Variants in UBA6 observed in about 807,000 individuals in gnomAD.
UBA6 encodes ubiquitin-like modifier-activating enzyme 6.
A neutral mutation model predicts 148.3 loss-of-function variants in UBA6; 87 were observed. That is an observed-to-expected ratio of 0.59 (90% CI 0.49 to 0.70). The LOEUF (loss-of-function observed/expected upper bound fraction) is 0.70. Among genes scored for constraint, UBA6 ranks in the 30% least tolerant of loss-of-function variants. The probability of loss-of-function intolerance (pLI) is 0.00; values close to 1 mark genes in which losing one functional copy is unlikely to be tolerated. For synonymous variants in UBA6, 376 were observed against 401.0 expected (o/e 0.94, Z 0.75); for missense variants, 1,186 against 1,241.2 (o/e 0.96, Z 0.67).
At chr4:67,632,616 G>C (rs1477951794) in intron 23 of UBA6, among the ~76,000 whole-genome samples, 1 of 152,276 alleles carries the variant, frequency 6.6e-6, no homozygotes, top group South Asian at 2.1e-4. Flanking sequence ...AATTTACTGG[G>C]TAAAGAAGTG....
At chr4:67,630,651 T>C in intron 25 of UBA6, 116 bp from the exon 26 acceptor site, 1 of 658,150 alleles carries the variant, frequency 1.5e-6, no homozygotes, top group Non-Finnish European at 2.3e-6. Flanking sequence ...CACAGAATTA[T>C]TATTTCAAGT....
rs1313846000 is a variant in UBA6, at chr4:67,629,805, TA to T, written c.2328+660del. Among the ~76,000 whole-genome samples, 5 of 152,174 alleles carry T rather than the reference TA, an allele frequency of 3.3e-5. No individual in the cohort carries two copies. In the East Asian group the frequency reaches 7.7e-4, roughly 23 times the overall value. ...GTATGAATTCCAAAAAGGATTAATC[TA>T]AAACAGATATTGTTATCTGAATCCA... On this transcript the variant is annotated intron_variant, in intron 26 of 32. Transcript: ENST00000322244.
rs1464830591 is a variant in UBA6 at position 67,622,757 on chromosome 4, TA to T, written c.3023+73del. The T allele has an allele frequency of 9.1e-5, 92 of 1,011,150 alleles. No individual in the cohort carries two copies. The Admixed American group carries it at 1.2e-3, about 14-fold the overall frequency. 62.6% of individuals were successfully genotyped at this position (1,011,150 alleles called of 1,614,324 possible). ...TTTATCTGAATTATAGTAACCTCTA[TA>T]TTTAATTTTTTAGTGTGCATCAACT... is the stretch of plus-strand genomic sequence containing the variant. On this transcript the variant is annotated intron_variant, in intron 32 of 32. Transcript: ENST00000322244.
At chr4:67,634,855 C>T (rs527935508) in intron 20 of UBA6, among the ~76,000 whole-genome samples, 201 of 152,088 alleles carry the variant, frequency 1.3e-3, no homozygotes, top group African/African-American at 4.4e-3. Flanking sequence ...AACACTGCCC[C>T]GCTTTGAAAA....
intron 13 of UBA6, among the ~76,000 whole-genome samples, chr4:67,660,107 G>A (rs1319921431): frequency 2.6e-5 from 4 of 152,294 alleles, no homozygotes; most frequent in African/African-American, 9.6e-5. Flanking sequence ...CAAAAAGATG[G>A]TTTGGAATTG....
intron 8 of UBA6, among the ~76,000 whole-genome samples, chr4:67,668,877 T>A (rs1168225190): frequency 6.6e-6 from 1 of 152,228 alleles, no homozygotes; most frequent in Non-Finnish European, 1.5e-5. Flanking sequence ...AAATGAATGC[T>A]GAAAATATAA....
Position 67,662,256 on chromosome 4 carries a change from C to G in UBA6, c.1038-1G>C. 1 of 1,613,306 alleles carries G rather than the reference C, an allele frequency of 6.2e-7. No homozygotes were observed. Among genetic ancestry groups the G allele is most frequent in the Non-Finnish European group, 8.5e-7 (1 of 1,179,664 alleles). The stretch of plus-strand genomic sequence containing the variant: ...CAGTTCTTCTGAATCTTGTTGGCAT[C>G]TACAACTCAAAACAGAACACCCTAA... On this transcript the variant is annotated splice_acceptor_variant, in intron 12 of 32. Coordinates refer to ENST00000322244, the MANE Select transcript of UBA6 (RefSeq NM_018227.6). LOFTEE classifies it high-confidence loss of function.
At chr4:67,651,240 A>C (rs1042733939) in intron 13 of UBA6, among the ~76,000 whole-genome samples, 2 of 152,170 alleles carry the variant, frequency 1.3e-5, no homozygotes, top group Admixed American at 6.5e-5. Flanking sequence ...AGGGGAAAAA[A>C]ACAACACAAA....
Position 67,616,019 on chromosome 4 carries a change from ATATTTT to A in UBA6, c.*2972_*2977del, listed in dbSNP as rs1728618765. 1 of 383,438 alleles carries A rather than the reference ATATTTT, an allele frequency of 2.6e-6. No homozygotes were observed. The highest frequency in any genetic ancestry group is 1.3e-4 in the South Asian group (1 of 7,640). 23.8% of individuals were successfully genotyped at this position (383,438 alleles called of 1,614,324 possible). ...AAATTATTCCTTGAACTGCATATTT[ATATTTT>A]ATGTATTTTTGAATATATATGTGTT... is the stretch of plus-strand genomic sequence containing the variant. On this transcript the variant is annotated 3_prime_UTR_variant, in exon 33 of 33. Transcript: ENST00000322244.
At chr4:67,648,062 T>C (rs1291675978) in intron 14 of UBA6, among the ~76,000 whole-genome samples, 2 of 151,790 alleles carry the variant, frequency 1.3e-5, no homozygotes, top group Non-Finnish European at 1.5e-5. Context: ...CATGAGCCAC[T>C]GCGCCTGCCT....
intron 2 of UBA6, among the ~76,000 whole-genome samples, chr4:67,686,952 TA>T (rs546442640): frequency 4.9e-3 from 278 of 57,094 alleles, no homozygotes; most frequent in Non-Finnish European, 5.4e-3. Context: ...ATCCTGTCTC[TA>T]AAAAAAAAAA....
chr4:67,652,195 T>C (rs1000813933), intron 13 of UBA6, among the ~76,000 whole-genome samples: 2 of 152,178 alleles, frequency 1.3e-5, no homozygotes, highest in African/African-American at 4.8e-5. Context: ...AACACGTATC[T>C]GATAAAGAAC....
At position 67,613,788 on chromosome 4, in the gene UBA6, T is replaced by C. The variant is rs1429294425; in HGVS notation, c.*5209A>G. ...ATAAATTCTCATCAGATGGGTTTTA[T>C]TTAACCCTGTATATTGTGACTTAAC... On this transcript the variant is annotated 3_prime_UTR_variant, in exon 33 of 33. Transcript: ENST00000322244. The C allele has an allele frequency of 6.6e-6, 1 of 152,222 alleles. No homozygotes were observed. The highest frequency in any genetic ancestry group is 1.5e-5 in the Non-Finnish European group (1 of 68,036). 9.4% of individuals were successfully genotyped at this position (152,222 alleles called of 1,614,324 possible).
At chr4:67,662,936 A>G (rs1251270450) in intron 12 of UBA6, 7 of 413,554 alleles carry the variant, frequency 1.7e-5, no homozygotes, top group Non-Finnish European at 3.0e-5. Context: ...AAAAATTCAC[A>G]TTTAGTATGA....
intron 9 of UBA6, among the ~76,000 whole-genome samples, chr4:67,667,119 A>G (rs1317355977): frequency 6.6e-6 from 1 of 152,136 alleles, no homozygotes; most frequent in African/African-American, 2.4e-5. Context: ...AAGCAGCCTC[A>G]TAATGTGAAC....
At chr4:67,683,045 A>G (rs1730478640) in intron 2 of UBA6, among the ~76,000 whole-genome samples, 1 of 152,220 alleles carries the variant, frequency 6.6e-6, no homozygotes, top group Admixed American at 6.5e-5. Context: ...CTAGAGAGAC[A>G]AAACTTTATA....
chr4:67,664,316 C>T (rs115575539), intron 10 of UBA6, among the ~76,000 whole-genome samples: 1,917 of 151,334 alleles, frequency 0.013, 42 homozygotes, highest in African/African-American at 0.042. Flanking sequence ...CAAATGAAAC[C>T]CCCCCTAAAA....
rs893992257 is a variant in UBA6, at chr4:67,655,249, A to G, written c.1105-6038T>C. 2.0e-5 allele frequency among the ~76,000 whole-genome samples: 3 copies of G among 152,214 alleles called. No individual in the cohort carries two copies. The East Asian group carries it at 5.8e-4, about 29-fold the overall frequency. ...CAACAAAATATACATTCTTCTCAGC[A>G]CTACATCGCACTTATTCTAAAATTG... On this transcript the variant is annotated intron_variant, in intron 13 of 32. Coordinates refer to ENST00000322244, the MANE Select transcript of UBA6 (RefSeq NM_018227.6).
chr4:67,649,094 C>T lies in UBA6; in HGVS notation c.1222G>A (p.Gly408Arg). The T allele has an allele frequency of 6.2e-7, 1 of 1,613,618 alleles. No homozygotes were observed. The highest frequency in any genetic ancestry group is 1.1e-5 in the South Asian group (1 of 90,946). ...ASQEVLKAVT[G>R]KFSPLCQWLY... ...CACTGGCACAAAGGAGAAAATTTTC[C>T]TGTTACAGCTTTCAATACTTCTTGG... is the stretch of plus-strand genomic sequence containing the variant. The change falls in exon 14 of 33, where the codon GGA becomes AGA. Residue 408 changes from glycine (G) to arginine (R), a missense_variant. Physicochemically the swap from Gly to Arg is moderately radical, Grantham distance 125. Coordinates refer to ENST00000322244, the MANE Select transcript of UBA6 (RefSeq NM_018227.6).
Sources: allele counts gnomAD v4.1 joint callset (sites outside exome capture counted in the v4.1 genomes callset), GRCh38; gene constraint gnomAD v4.1.1; transcripts MANE v1.5; gene names NCBI Gene and HGNC (gene_info 2026-07-23, HGNC 2026-07-21).